Variants in KIZ observed in about 807,000 individuals in gnomAD.
KIZ encodes kizuna centrosomal protein, also known as centrosomal protein kizuna.
A neutral mutation model predicts 79.6 loss-of-function variants in KIZ; 68 were observed. That is an observed-to-expected ratio of 0.85 (90% CI 0.70 to 1.05). The LOEUF (loss-of-function observed/expected upper bound fraction) is 1.05, where lower values mean the gene tolerates loss of function less well. Ranked by LOEUF, KIZ falls within the 50% of genes least tolerant of loss-of-function variation. The pLI, the probability that KIZ is intolerant of heterozygous loss-of-function variation, is 0.00. For synonymous variants in KIZ, 280 were observed against 281.8 expected (o/e 0.99, Z 0.06); for missense variants, 797 against 800.4 (o/e 1.00, Z 0.05).
chr20:21,169,680 A>C (rs556780347), intron 6 of KIZ, among the ~76,000 whole-genome samples: 23 of 152,164 alleles, frequency 1.5e-4, no homozygotes, highest in African/African-American at 5.3e-4. Flanking sequence ...GAACCAACCC[A>C]AAAAAATAGT....
intron 3 of KIZ, among the ~76,000 whole-genome samples, 176 bp downstream of exon 3, chr20:21,136,728 C>T (rs970292216): frequency 1.3e-5 from 2 of 151,894 alleles, no homozygotes; most frequent in Non-Finnish European, 2.9e-5. Flanking sequence ...CCCCATGTAG[C>T]TGTGTACCTC....
chr20:21,243,685 G>A (rs2037293908), intron 11 of KIZ, among the ~76,000 whole-genome samples: 1 of 152,164 alleles, frequency 6.6e-6, no homozygotes, highest in South Asian at 2.1e-4. Flanking sequence ...CAGTCGAGAC[G>A]GTCCTGGACG....
At chr20:21,176,922 A>G (rs1463975125) in intron 6 of KIZ, among the ~76,000 whole-genome samples, 2 of 152,328 alleles carry the variant, frequency 1.3e-5, no homozygotes, top group Non-Finnish European at 2.9e-5. Context: ...ATCCATGTCA[A>G]GATGTGTGTC....
chr20:21,202,093 T>C (rs1041176424), intron 6 of KIZ, among the ~76,000 whole-genome samples: 2 of 152,206 alleles, frequency 1.3e-5, no homozygotes, highest in Non-Finnish European at 2.9e-5. Context: ...TTAGCTAGTT[T>C]TTCATGCTAG....
intron 5 of KIZ, 118 bp downstream of exon 5, chr20:21,162,625 A>T: frequency 4.6e-6 from 4 of 869,846 alleles, no homozygotes; most frequent in Non-Finnish European, 6.9e-6. Context: ...AACAAATTCC[A>T]TTCTAATGAA....
chr20:21,240,682 C>T (rs1029201191), intron 11 of KIZ, among the ~76,000 whole-genome samples: 1 of 151,398 alleles, frequency 6.6e-6, no homozygotes, highest in Admixed American at 6.6e-5. Flanking sequence ...GCCCTTGGGC[C>T]GTGCCCAGGC....
intron 4 of KIZ, among the ~76,000 whole-genome samples, chr20:21,153,477 A>C (rs1284720864): frequency 6.6e-6 from 1 of 152,158 alleles, no homozygotes; most frequent in Non-Finnish European, 1.5e-5. Context: ...ATAACTGTTG[A>C]ATTTCATGGC....
chr20:21,237,103 ACCAGCATGG>A (rs1258147124), intron 11 of KIZ, among the ~76,000 whole-genome samples: 1 of 151,854 alleles, frequency 6.6e-6, no homozygotes, highest in African/African-American at 2.4e-5. Context: ...GGAGTTCGAG[ACCAGCATGG>A]CCAACATGGC....
intron 6 of KIZ, among the ~76,000 whole-genome samples, chr20:21,204,109 T>G (rs962943554): frequency 4.9e-5 from 6 of 122,854 alleles, no homozygotes; most frequent in South Asian, 2.8e-4. Flanking sequence ...ATCTATGTTT[T>G]TTTTTTTTTT....
At chr20:21,174,419 A>C (rs2034348747) in intron 6 of KIZ, among the ~76,000 whole-genome samples, 1 of 152,186 alleles carries the variant, frequency 6.6e-6, no homozygotes, top group African/African-American at 2.4e-5. Context: ...TCTCCCAGTG[A>C]ATCTTTACTA....
At chr20:21,166,371 C>T in intron 6 of KIZ, 1 of 1,599,876 alleles carries the variant, frequency 6.3e-7, no homozygotes, top group Non-Finnish European at 8.5e-7. Context: ...AAATCTGGAG[C>T]TGATCACTCC....
At chr20:21,225,163 C>A (rs377550280) in intron 9 of KIZ, among the ~76,000 whole-genome samples, 1 of 151,730 alleles carries the variant, frequency 6.6e-6, no homozygotes, top group Non-Finnish European at 1.5e-5. Context: ...CATGAGATGG[C>A]CCCCCTTGCC....
chr20:21,129,761 A>T (rs940176972), intron 1 of KIZ, among the ~76,000 whole-genome samples: 2 of 152,008 alleles, frequency 1.3e-5, no homozygotes, highest in African/African-American at 4.8e-5. Context: ...ATATATATAT[A>T]TATTTTTTAA....
chr20:21,193,752 A>G (rs1299341524), intron 6 of KIZ, among the ~76,000 whole-genome samples: 1 of 150,492 alleles, frequency 6.6e-6, no homozygotes, highest in Non-Finnish European at 1.5e-5. Context: ...AACTATCGCA[A>G]GGACAAAAAA....
chr20:21,230,685 G>A (rs947192713), intron 10 of KIZ, among the ~76,000 whole-genome samples: 2 of 152,178 alleles, frequency 1.3e-5, no homozygotes, highest in African/African-American at 4.8e-5. Flanking sequence ...AGCCCCCTGG[G>A]AGAGCCGGCC....
chr20:21,184,170 A>G (rs929421983), intron 6 of KIZ, among the ~76,000 whole-genome samples: 2 of 143,148 alleles, frequency 1.4e-5, no homozygotes, highest in African/African-American at 5.2e-5. Context: ...TTTTTGAGTC[A>G]GAGTCTCGCT....
At chr20:21,146,952 G>T (rs2032879067) in intron 4 of KIZ, among the ~76,000 whole-genome samples, 1 of 152,190 alleles carries the variant, frequency 6.6e-6, no homozygotes, top group South Asian at 2.1e-4. Flanking sequence ...GCCATTCGAT[G>T]TAGGCCAAAT....
intron 11 of KIZ, among the ~76,000 whole-genome samples, chr20:21,239,941 G>C (rs2037159309): frequency 6.6e-6 from 1 of 152,082 alleles, no homozygotes; most frequent in Non-Finnish European, 1.5e-5. Context: ...AAATAAGATG[G>C]CTTAATGGCT....
At chr20:21,195,247 A>C (rs1266362131) in intron 6 of KIZ, 1 of 152,288 alleles carries the variant, frequency 6.6e-6, no homozygotes, top group East Asian at 1.9e-4. Context: ...TCCTGGCAGG[A>C]CAATCAAGCA....
Sources: allele counts gnomAD v4.1 joint callset (sites outside exome capture counted in the v4.1 genomes callset), GRCh38; gene constraint gnomAD v4.1.1; transcripts MANE v1.5; gene names NCBI Gene and HGNC (gene_info 2026-07-23, HGNC 2026-07-21).